DAGLA: variants seen among roughly 807,000 people sequenced by gnomAD.
DAGLA encodes diacylglycerol lipase alpha.
In DAGLA, 22 loss-of-function variants were observed where a neutral mutation model predicts 102.6. The ratio of observed to expected loss-of-function variants is 0.21; its 90% CI spans 0.15 to 0.31. The LOEUF (loss-of-function observed/expected upper bound fraction) is 0.31, where lower values mean the gene tolerates loss of function less well. DAGLA is among the 10% of genes least tolerant of loss of function. The probability of loss-of-function intolerance (pLI) is 1.00; values close to 1 mark genes in which losing one functional copy is unlikely to be tolerated. For synonymous variants in DAGLA, 578 were observed against 628.9 expected, an observed-to-expected ratio of 0.92 and a Z score of 1.21; for missense variants, 927 against 1,446.6, an observed-to-expected ratio of 0.64 and a Z score of 5.83.
chr11:61,725,482 G>C (rs1422542637), intron 5 of DAGLA, among the ~76,000 whole-genome samples: 4 of 152,184 alleles, frequency 2.6e-5, no homozygotes, highest in Admixed American at 6.5e-5. Flanking sequence ...CCTGTAAGTA[G>C]AGTATGTAAG....
intron 1 of DAGLA, among the ~76,000 whole-genome samples, chr11:61,695,968 C>A (rs538880575): frequency 2.4e-4 from 37 of 152,356 alleles, no homozygotes; most frequent in African/African-American, 8.9e-4. Flanking sequence ...TCTCCCACCT[C>A]CTTCCCCGCT....
chr11:61,728,088 C>T (rs2065344893), intron 6 of DAGLA, 65 bp from the exon 7 acceptor site: 4 of 1,587,116 alleles, frequency 2.5e-6, no homozygotes, highest in Non-Finnish European at 2.6e-6. Flanking sequence ...GGGGGATTTA[C>T]TCCTGGCCTC....
In DAGLA at chr11:61,734,634, A is replaced by C. The variant is rs934377322; in HGVS notation, c.975-215A>C. On this transcript the variant is annotated intron_variant, in intron 9 of 19. Coordinates refer to ENST00000257215, the MANE Select transcript of DAGLA (RefSeq NM_006133.3). This position sits in a 1 kb window ranked among gnomAD's most constrained non-coding sequence, Gnocchi z 4.2. The stretch of plus-strand genomic sequence containing the variant: ...GCCAGGTGGGGAGAGGGAAGGGCCC[A>C]CAGGGTCAGGTGCCGCCAAGAGCTC... 2.0e-5 allele frequency among the ~76,000 whole-genome samples: 3 copies of C among 152,180 alleles called. No individual in the cohort carries two copies. Among genetic ancestry groups the C allele is most frequent in the African/African-American group, 7.2e-5 (3 of 41,448 alleles).
Position 61,743,654 on chromosome 11 carries a change from G to A in DAGLA, c.2294G>A (p.Arg765Gln), listed in dbSNP as rs1220617462. The A allele has an allele frequency of 5.0e-6, 8 of 1,599,452 alleles. No homozygotes were observed. Among genetic ancestry groups the A allele is most frequent in the South Asian group, 3.3e-5 (3 of 90,528 alleles). Residue 765 changes from arginine to glutamine, a missense_variant, in exon 20 of 20, where the codon CGG (arginine) becomes CAG (glutamine). By Grantham distance (43) the Arg-to-Gln change is conservative. Coordinates refer to ENST00000257215, the MANE Select transcript of DAGLA (RefSeq NM_006133.3). ...VELLLLSTQE[R>Q]LAAELQARRA... ...CTGCTGCTGCTGTCTACCCAGGAGC[G>A]GCTGGCGGCGGAGCTGCAGGCCCGG...
At chr11:61,718,974 G>A (rs2065260249) in intron 1 of DAGLA, among the ~76,000 whole-genome samples, 2 of 152,088 alleles carry the variant, frequency 1.3e-5, no homozygotes, top group South Asian at 4.1e-4. Flanking sequence ...GGGGAGAGGA[G>A]GATCTGCCGC....
intron 1 of DAGLA, among the ~76,000 whole-genome samples, chr11:61,681,097 G>C (rs377022760): frequency 6.6e-6 from 1 of 152,116 alleles, no homozygotes; most frequent in Non-Finnish European, 1.5e-5. Flanking sequence ...GCACTGCCGC[G>C]GGGGGAGTCC....
At chr11:61,681,333 A>G (rs1439592458) in intron 1 of DAGLA, among the ~76,000 whole-genome samples, 1 of 152,188 alleles carries the variant, frequency 6.6e-6, no homozygotes, top group Non-Finnish European at 1.5e-5. Flanking sequence ...TAACCCAGAT[A>G]GAGACCTTCC....
At position 61,734,808 on chromosome 11, in the gene DAGLA, G is replaced by A. The variant is rs771471685; in HGVS notation, c.975-41G>A. On this transcript the variant is annotated intron_variant, in intron 9 of 19. Transcript: ENST00000257215. This position sits in a 1 kb window ranked among gnomAD's most constrained non-coding sequence, Gnocchi z 4.2. ...GTGGCAGGAGACATTTGTTCCCTCG[G>A]GGACTCCCTGGCCCTGAACTCTCTT... 24 of 1,583,442 alleles carry A rather than the reference G, an allele frequency of 1.5e-5. No individual in the cohort carries two copies. The South Asian group carries it at 2.3e-4, about 15-fold the overall frequency.
chr11:61,743,230 T>C (rs1486744193), intron 19 of DAGLA, among the ~76,000 whole-genome samples: 1 of 151,982 alleles, frequency 6.6e-6, no homozygotes, highest in African/African-American at 2.4e-5. Flanking sequence ...CCAGGCATGG[T>C]GGCGGGCACC....
intron 19 of DAGLA, among the ~76,000 whole-genome samples, chr11:61,742,245 C>T (rs1389941562): frequency 2.0e-5 from 3 of 152,158 alleles, no homozygotes; most frequent in Non-Finnish European, 2.9e-5. Flanking sequence ...CACAGGGGCA[C>T]GCACATGGGG....
chr11:61,694,644 C>T (rs2065049570), intron 1 of DAGLA, among the ~76,000 whole-genome samples: 1 of 152,256 alleles, frequency 6.6e-6, no homozygotes, highest in African/African-American at 2.4e-5. Context: ...GTCTGATACC[C>T]CATTTCCGGC....
chr11:61,720,285 T>G (rs369743969), intron 2 of DAGLA, 35 bp downstream of exon 2: 6 of 1,598,258 alleles, frequency 3.8e-6, no homozygotes, highest in Non-Finnish European at 8.6e-7. Flanking sequence ...AGGCCTGGGT[T>G]TGGAGAGAAA....
rs757182294 is a variant in DAGLA, at chr11:61,731,376, C to T, written c.909C>T (p.Tyr303=). The part of the protein sequence containing the change: ...CYYMLFALAA[Y]GWPMYLMRKP... ...ACATGCTCTTTGCCCTGGCTGCCTA[C>T]GGGTGGCCCATGTACCTGATGCGGA... Residue 303 remains tyrosine, a synonymous_variant, in exon 9 of 20, where the codon TAC becomes TAT. Coordinates refer to ENST00000257215, the MANE Select transcript of DAGLA (RefSeq NM_006133.3). 3.5e-5 allele frequency: 57 copies of T among 1,614,122 alleles called. No individual in the cohort carries two copies. Among genetic ancestry groups the T allele is most frequent in the Admixed American group, 2.3e-4 (14 of 60,024 alleles).
chr11:61,727,854 G>C (rs749067344), intron 6 of DAGLA, among the ~76,000 whole-genome samples: 1 of 152,234 alleles, frequency 6.6e-6, no homozygotes, highest in Non-Finnish European at 1.5e-5. Context: ...AAGCAAAAAG[G>C]AGTGGCTCAA....
chr11:61,698,795 G>T (rs2097853), intron 1 of DAGLA, among the ~76,000 whole-genome samples: 20,162 of 152,172 alleles, frequency 0.13, 1,522 homozygotes, highest in East Asian at 0.27. Flanking sequence ...GGAGCTCCCA[G>T]CCCAGTGGGG....
chr11:61,698,542 GAC>G (rs1264130004), intron 1 of DAGLA, among the ~76,000 whole-genome samples: 1 of 152,180 alleles, frequency 6.6e-6, no homozygotes, highest in Non-Finnish European at 1.5e-5. Context: ...ACGTAGCACG[GAC>G]AGTTTCCAAA....
intron 15 of DAGLA, among the ~76,000 whole-genome samples, 160 bp downstream of exon 15, chr11:61,737,915 C>A (rs2065438961): frequency 6.6e-6 from 1 of 152,054 alleles, no homozygotes; most frequent in African/African-American, 2.4e-5. Context: ...GTGAGAAGCC[C>A]AGGTGAACGC....
chr11:61,700,746 G>T (rs2065103585), intron 1 of DAGLA, among the ~76,000 whole-genome samples: 1 of 152,146 alleles, frequency 6.6e-6, no homozygotes, highest in Non-Finnish European at 1.5e-5. Flanking sequence ...TTGCTGCTGT[G>T]GGTATCTGCC....
At chr11:61,736,961 G>C (rs2135600756) in intron 13 of DAGLA, among the ~76,000 whole-genome samples, 1 of 152,366 alleles carries the variant, frequency 6.6e-6, no homozygotes, top group Admixed American at 6.5e-5. Flanking sequence ...TAACCTCTGA[G>C]CAAGGTTTGG....
Sources: gnomAD v4.1 joint callset for allele counts (sites outside exome capture counted in the v4.1 genomes callset) on GRCh38, gnomAD v4.1.1 for gene constraint, Gnocchi (gnomAD v3.1) non-coding constraint, MANE v1.5 for transcripts, NCBI Gene and HGNC (gene_info 2026-07-23, HGNC 2026-07-21) for gene names.